Variants in CES1 observed in about 807,000 individuals in gnomAD.
CES1 encodes the protein carboxylesterase 1, also known as liver carboxylesterase 1.
Under a neutral mutation model 53.0 loss-of-function variants are expected in CES1, and 50 were observed. That is an observed-to-expected ratio of 0.94 (90% CI 0.75 to 1.19). The LOEUF (loss-of-function observed/expected upper bound fraction) is 1.19, where lower values mean the gene tolerates loss of function less well. Among genes scored for constraint, CES1 ranks in the 50% most tolerant of loss-of-function variants. The pLI, the probability that CES1 is intolerant of heterozygous loss-of-function variation, is 0.00. For missense variants in CES1, 534 were observed against 538.0 expected (o/e 0.99, Z 0.07); for synonymous variants, 202 against 210.1 (o/e 0.96, Z 0.33).
intron 8 of CES1, 152 bp from the exon 9 acceptor site, chr16:55,813,195 G>T: frequency 9.4e-7 from 1 of 1,061,552 alleles, no homozygotes; most frequent in Non-Finnish European, 1.4e-6. Flanking sequence ...AGGGGGGTAG[G>T]TCTCCATGAC....
chr16:55,821,823 C>CTGT (rs2032211486), intron 4 of CES1, among the ~76,000 whole-genome samples: 1 of 152,096 alleles, frequency 6.6e-6, no homozygotes, highest in African/African-American at 2.4e-5. Flanking sequence ...AGATCACAAG[C>CTGT]AGATAAACAG....
At chr16:55,812,009 C>A (rs756559204) in intron 9 of CES1, among the ~76,000 whole-genome samples, 1 of 152,194 alleles carries the variant, frequency 6.6e-6, no homozygotes, top group African/African-American at 2.4e-5. Context: ...ATGAACCAAG[C>A]CTCTCCCCAT....
At chr16:55,831,220 GGA>G (rs1481540118) in intron 1 of CES1, among the ~76,000 whole-genome samples, 120 of 151,794 alleles carry the variant, frequency 7.9e-4, no homozygotes, top group African/African-American at 2.1e-3. Context: ...TCAGAATAGG[GGA>G]GAGAGAACGT....
At position 55,833,085 on chromosome 16, in the gene CES1, C is replaced by G. The variant is rs144950224; in HGVS notation, c.-30G>C. 8.0e-3 allele frequency: 12,370 copies of G among 1,542,058 alleles called. 1,777 individuals are homozygous for G. In the South Asian group the frequency reaches 0.087, roughly 11 times the overall value. On this transcript the variant is annotated 5_prime_UTR_variant, in exon 1 of 14. Transcript: ENST00000360526. ...GAAGGGCGACAGTTCTCGGGGCCTG[C>G]GAGGTCTCTGTGCAGTTCAGAGGGA...
intron 10 of CES1, 100 bp from the exon 11 acceptor site, chr16:55,810,764 G>T: frequency 2.7e-6 from 4 of 1,490,800 alleles, no homozygotes; most frequent in Non-Finnish European, 3.7e-6. Context: ...CATAAGCCCT[G>T]TGCAACTCCC....
intron 8 of CES1, among the ~76,000 whole-genome samples, chr16:55,816,513 G>T (rs2031952035): frequency 6.6e-6 from 1 of 152,222 alleles, no homozygotes; most frequent in Non-Finnish European, 1.5e-5. Context: ...TTTCCTGTGT[G>T]CTGGGAGGAG....
chr16:55,830,694 T>C (rs2032605249), intron 1 of CES1, among the ~76,000 whole-genome samples: 1 of 145,756 alleles, frequency 6.9e-6, no homozygotes, highest in African/African-American at 2.6e-5. Flanking sequence ...TCCTGGCTCC[T>C]CCAGAGAGAG....
intron 3 of CES1, among the ~76,000 whole-genome samples, chr16:55,825,605 A>G (rs549912027): frequency 2.1e-4 from 32 of 152,372 alleles, no homozygotes; most frequent in African/African-American, 5.3e-4. Flanking sequence ...CTGGACAGTG[A>G]AAGTTACCCC....
At chr16:55,815,571 G>A (rs1373785800) in intron 8 of CES1, among the ~76,000 whole-genome samples, 1 of 152,140 alleles carries the variant, frequency 6.6e-6, no homozygotes, top group Non-Finnish European at 1.5e-5. Flanking sequence ...AAAACTCAGG[G>A]CGTCCTCCAC....
At chr16:55,813,756 C>A (rs1314499579) in intron 8 of CES1, among the ~76,000 whole-genome samples, 1 of 151,322 alleles carries the variant, frequency 6.6e-6, no homozygotes, top group African/African-American at 2.5e-5. Flanking sequence ...AGCTCAGGAA[C>A]GCCAGACAGC....
At chr16:55,814,937 G>A (rs1597072236) in intron 8 of CES1, among the ~76,000 whole-genome samples, 1 of 152,252 alleles carries the variant, frequency 6.6e-6, no homozygotes, top group Admixed American at 6.5e-5. Context: ...TGCAGTTCAG[G>A]CAGGGCTGCT....
At chr16:55,820,597 T>C (rs2032137143) in intron 5 of CES1, 118 bp from the exon 6 acceptor site, 11 of 1,535,896 alleles carry the variant, frequency 7.2e-6, no homozygotes, top group Non-Finnish European at 9.8e-6. Flanking sequence ...AGGAATCCAG[T>C]AGTGGGCTGA....
At chr16:55,814,973 C>A (rs2031874063) in intron 8 of CES1, among the ~76,000 whole-genome samples, 2 of 152,330 alleles carry the variant, frequency 1.3e-5, no homozygotes, top group Admixed American at 1.3e-4. Flanking sequence ...GAGGAGCAGC[C>A]CCTCTGGAAG....
At chr16:55,830,883 G>A (rs1212161727) in intron 1 of CES1, among the ~76,000 whole-genome samples, 10 of 151,764 alleles carry the variant, frequency 6.6e-5, no homozygotes, top group African/African-American at 2.4e-4. Context: ...AGAAAAGAAA[G>A]GAAAAGAAAA....
chr16:55,825,333 TG>T, intron 3 of CES1, among the ~76,000 whole-genome samples: 1 of 152,218 alleles, frequency 6.6e-6, no homozygotes, highest in East Asian at 1.9e-4. Flanking sequence ...CCTGGGAGAC[TG>T]GCTAGACACA....
At chr16:55,816,871 G>A (rs796401261) in intron 8 of CES1, 53 bp downstream of exon 8, 39 of 1,557,448 alleles carry the variant, frequency 2.5e-5, no homozygotes, top group African/African-American at 1.2e-4. Context: ...GTTAATTGGA[G>A]CTTAAAGGTG....
chr16:55,816,442 C>T lies in CES1; in HGVS notation c.945+482G>A, dbSNP rs547938806. ...CAGAGGTGATGTCACCAGAAACTGT[C>T]AACCCACTGGGAGGTGGGGGTGGGA... On this transcript the variant is annotated intron_variant, in intron 8 of 13. Transcript: ENST00000360526. Among the ~76,000 whole-genome samples, 92 of 152,324 alleles carry T rather than the reference C, an allele frequency of 6.0e-4. 1 individual carries two copies. Among genetic ancestry groups the T allele is most frequent in the African/African-American group, 2.1e-3 (86 of 41,552 alleles).
chr16:55,830,825 G>GGTAAGAAGGAAGGAAGGAAA (rs2032631695), intron 1 of CES1, among the ~76,000 whole-genome samples: 4 of 145,032 alleles, frequency 2.8e-5, no homozygotes, highest in South Asian at 2.2e-4. Flanking sequence ...AAGGAAGGCA[G>GGTAAGAAGGAAGGAAGGAAA]GCAGGCAGGC....
At chr16:55,829,174 AT>A (rs1468425117) in intron 1 of CES1, among the ~76,000 whole-genome samples, 200 bp from the exon 2 acceptor site, 6 of 152,148 alleles carry the variant, frequency 3.9e-5, no homozygotes, top group African/African-American at 1.4e-4. Flanking sequence ...GCAAACTAGA[AT>A]TGGAGGCATA....
Sources: gnomAD v4.1 joint callset for allele counts (sites outside exome capture counted in the v4.1 genomes callset) on GRCh38, gnomAD v4.1.1 for gene constraint, MANE v1.5 for transcripts, NCBI Gene and HGNC (gene_info 2026-07-23, HGNC 2026-07-21) for gene names.